Variants in TSPO observed in about 807,000 individuals in gnomAD.
TSPO encodes benzodiazepine peripheral binding site.
Under a neutral mutation model 13.9 loss-of-function variants are expected in TSPO, and 14 were observed. That is an observed-to-expected ratio of 1.01 (90% CI 0.67 to 1.58). The LOEUF is 1.58. TSPO is among the 40% of genes most tolerant of loss of function. The pLI is 0.00. For synonymous variants in TSPO, 114 were observed against 105.9 expected, an observed-to-expected ratio of 1.08 and a Z score of -0.47; for missense variants, 232 against 229.6, an observed-to-expected ratio of 1.01 and a Z score of -0.07.
intron 1 of TSPO, among the ~76,000 whole-genome samples, chr22:43,158,095 G>T (rs1405233453): frequency 2.0e-5 from 3 of 152,052 alleles, no homozygotes; most frequent in African/African-American, 7.2e-5. Context: ...TTTGCCCTTT[G>T]CCCTTTGCCC....
At position 43,163,061 on chromosome 22, in the gene TSPO, C is replaced by T. The variant is rs150429499; in HGVS notation, c.*70C>T. The T allele has an allele frequency of 3.7e-4, 574 of 1,556,970 alleles. No individual in the cohort carries two copies. The highest frequency in any genetic ancestry group is 4.3e-4 in the Non-Finnish European group (498 of 1,151,146). On this transcript the variant is annotated 3_prime_UTR_variant, in exon 4 of 4. Transcript: ENST00000337554. ...CACGCTTGTGATGTGGTGGCCGTCA[C>T]GCTTTCATGACCACTGGGCCTGCTA... is the stretch of plus-strand genomic sequence containing the variant.
intron 1 of TSPO, among the ~76,000 whole-genome samples, chr22:43,156,465 C>T (rs1006233339): frequency 7.6e-6 from 1 of 130,982 alleles, no homozygotes; most frequent in South Asian, 2.6e-4. Context: ...CCACACACTG[C>T]GTGATTCCAT....
intron 2 of TSPO, 77 bp from the exon 3 acceptor site, chr22:43,160,975 T>C (rs571888611): frequency 3.3e-6 from 5 of 1,530,562 alleles, no homozygotes; most frequent in Admixed American, 3.9e-5. Context: ...GTATGAACCA[T>C]CACTGTGCCA....
chr22:43,155,102 C>T (rs1484957436), intron 1 of TSPO, among the ~76,000 whole-genome samples: 1 of 151,946 alleles, frequency 6.6e-6, no homozygotes, highest in Non-Finnish European at 1.5e-5. Flanking sequence ...GCCCGGCAGA[C>T]ACCCAGCTCA....
Position 43,153,413 on chromosome 22 carries a change from G to A in TSPO, c.-30+1809G>A, listed in dbSNP as rs1931154463. On this transcript the variant is annotated intron_variant, in intron 1 of 3. Transcript: ENST00000337554. The stretch of plus-strand genomic sequence containing the variant: ...AGGCCGGACTGCGGACTGCAGTGGC[G>A]CAATCTCGGCTCACTGCAAGCTCCG... Among the ~76,000 whole-genome samples the A allele has an allele frequency of 4.5e-5, 3 of 66,466 alleles. 1 individual carries two copies. The highest frequency in any genetic ancestry group is 9.3e-5 in the Non-Finnish European group (3 of 32,264). The allele number at this position is 66,466 out of a possible 152,430, so 43.6% of individuals were successfully genotyped here. A position where few individuals can be genotyped will look rare whatever the true frequency, so the allele number is the denominator to read the frequency against.
chr22:43,162,760 G>A lies in TSPO; in HGVS notation c.322-43G>A, dbSNP rs746384947. Reference sequence around the variant, plus strand: ...GTGGGACAGGCACTTGGGTGAACGCGGTGCCTCAGGCCTCCCCATCCTCCG... The same window carrying A: ...GTGGGACAGGCACTTGGGTGAACGCAGTGCCTCAGGCCTCCCCATCCTCCG... On this transcript the variant is annotated intron_variant, in intron 3 of 3. Coordinates refer to ENST00000337554, the MANE Select transcript of TSPO (RefSeq NM_000714.6). 9.4e-6 allele frequency: 14 copies of A among 1,492,664 alleles called. No homozygotes were observed. In the South Asian group the frequency reaches 1.1e-4, roughly 11 times the overall value. The allele number at this position is 1,492,664 out of a possible 1,614,324, so 92.5% of individuals were successfully genotyped here.
chr22:43,162,998 G>A lies in TSPO; in HGVS notation c.*7G>A, dbSNP rs755509592. ...ACGGCGGCTGCCAGAGTGAGTGCCC[G>A]GCCCACCAGGGACTGCAGCTGCACC... On this transcript the variant is annotated 3_prime_UTR_variant, in exon 4 of 4. Transcript: ENST00000337554. 19 of 1,579,128 alleles carry A rather than the reference G, an allele frequency of 1.2e-5. No individual in the cohort carries two copies. Among genetic ancestry groups the A allele is most frequent in the East Asian group, 2.3e-5 (1 of 42,750 alleles).
chr22:43,152,771 A>G (rs552671583), intron 1 of TSPO, among the ~76,000 whole-genome samples: 145 of 152,340 alleles, frequency 9.5e-4, no homozygotes, highest in African/African-American at 3.3e-3. Flanking sequence ...GAACCCGTGC[A>G]GGCTGATCCC....
At chr22:43,152,219 A>T (rs1050847600) in intron 1 of TSPO, 1 of 152,458 alleles carries the variant, frequency 6.6e-6, no homozygotes, top group Non-Finnish European at 1.5e-5. Context: ...GCCGGAGCCC[A>T]GGTAGGAGAA....
At chr22:43,158,720 G>A (rs1931333771) in intron 1 of TSPO, among the ~76,000 whole-genome samples, 1 of 152,220 alleles carries the variant, frequency 6.6e-6, no homozygotes, top group East Asian at 1.9e-4. Context: ...GGAAACTGAG[G>A]CCCTGAGTTG....
chr22:43,162,312 G>A (rs570842703), intron 3 of TSPO, among the ~76,000 whole-genome samples: 107 of 152,166 alleles, frequency 7.0e-4, no homozygotes, highest in Non-Finnish European at 1.1e-3. Flanking sequence ...AGTAGAGACG[G>A]GGTTTTACCA....
At position 43,162,914 on chromosome 22, in the gene TSPO, G is replaced by A. The variant is rs1184188397; in HGVS notation, c.433G>A (p.Ala145Thr). ...GCTCTACCCCTACCTGGCCTGGCTG[G>A]CCTTCACGACCACACTCAACTACTG... is the stretch of plus-strand genomic sequence containing the variant. ...RLLYPYLAWL[A>T]FTTTLNYCVW... The change falls in exon 4 of 4, where the codon GCC becomes ACC. Residue 145 changes from alanine (A) to threonine (T), a missense_variant. Physicochemically the swap from Ala to Thr is moderately conservative, Grantham distance 58 (BLOSUM62 0). Transcript: ENST00000337554. 6.3e-7 allele frequency: 1 copy of A among 1,593,606 alleles called. No homozygotes were observed. The highest frequency in any genetic ancestry group is 8.5e-7 in the Non-Finnish European group (1 of 1,170,576).
intron 1 of TSPO, among the ~76,000 whole-genome samples, chr22:43,154,792 C>CT (rs1168058534): frequency 1.3e-5 from 2 of 152,150 alleles, no homozygotes; most frequent in Admixed American, 6.6e-5. Flanking sequence ...GGTCTGGGGT[C>CT]TTCGGGCCAG....
intron 3 of TSPO, among the ~76,000 whole-genome samples, chr22:43,162,337 G>C (rs1358370214): frequency 6.6e-6 from 1 of 152,072 alleles, no homozygotes; most frequent in African/African-American, 2.4e-5. Context: ...GGTCAGGTTG[G>C]TCTTGAACTC....
chr22:43,154,070 T>C (rs1402182393), intron 1 of TSPO, among the ~76,000 whole-genome samples: 4 of 152,056 alleles, frequency 2.6e-5, no homozygotes, highest in Non-Finnish European at 5.9e-5. Context: ...CACCCTACCC[T>C]CTCCCAGGCC....
At chr22:43,162,123 T>C (rs1439226889) in intron 3 of TSPO, among the ~76,000 whole-genome samples, 1 of 127,512 alleles carries the variant, frequency 7.8e-6, no homozygotes, top group Non-Finnish European at 1.6e-5. Flanking sequence ...GCTAATTTTC[T>C]GTATTTTTTT....
At chr22:43,158,859 C>T (rs372637561) in intron 1 of TSPO, among the ~76,000 whole-genome samples, 1 of 151,994 alleles carries the variant, frequency 6.6e-6, no homozygotes, top group Non-Finnish European at 1.5e-5. Context: ...AGTGCTGGAA[C>T]GTAAAGCACT....
At chr22:43,161,308 A>G (rs1273256638) in intron 3 of TSPO, 118 bp downstream of exon 3, 2 of 1,399,502 alleles carry the variant, frequency 1.4e-6, no homozygotes, top group East Asian at 2.4e-5. Flanking sequence ...ACAAAAGGCC[A>G]TGTCTCTCTA....
intron 1 of TSPO, among the ~76,000 whole-genome samples, chr22:43,153,698 GCT>G (rs1026377629): frequency 2.6e-5 from 4 of 151,012 alleles, no homozygotes; most frequent in African/African-American, 7.3e-5. Flanking sequence ...GCTTGGATGT[GCT>G]CTCTGTTTAA....
Sources: allele counts gnomAD v4.1 joint callset (sites outside exome capture counted in the v4.1 genomes callset), GRCh38; gene constraint gnomAD v4.1.1; transcripts MANE v1.5; gene names NCBI Gene and HGNC (gene_info 2026-07-23, HGNC 2026-07-21).